Variants in NFASC observed in about 807,000 individuals in gnomAD.
NFASC encodes the protein neurofascin homolog.
Under a neutral mutation model 147.5 loss-of-function variants are expected in NFASC, and 43 were observed. That is an observed-to-expected ratio of 0.29 (90% CI 0.23 to 0.38). The LOEUF is 0.38. Ranked by LOEUF, NFASC falls within the 10% of genes least tolerant of loss-of-function variation. NFASC has a pLI of 1.00. For missense variants in NFASC, 1,320 were observed against 1,689.0 expected (o/e 0.78, Z 3.83); for synonymous variants, 622 against 665.5 (o/e 0.93, Z 1.01).
At chr1:204,931,173 A>G (rs1378262345) in intron 2 of NFASC, among the ~76,000 whole-genome samples, 1 of 152,210 alleles carries the variant, frequency 6.6e-6, no homozygotes, top group Non-Finnish European at 1.5e-5. Context: ...ATTAGGAACA[A>G]ATTTCTTGAC....
intron 1 of NFASC, among the ~76,000 whole-genome samples, chr1:204,833,946 A>G (rs1179022491): frequency 6.6e-6 from 1 of 152,212 alleles, no homozygotes; most frequent in Non-Finnish European, 1.5e-5. Context: ...TGAAAGGCCC[A>G]ATGTAATACC....
In NFASC at chr1:205,015,796, T is replaced by TAGTTTCGAAGAAC. The variant is rs2096349066; in HGVS notation, c.3492-512_3492-511insAGTTTCGAAGAAC. ...ACAAGCAGAGAGGTGAGGGAGAGGT[T>TAGTTTCGAAGAAC]TGTTCCTTTAAAAGCCTTGCTTGTT... On this transcript the variant is annotated intron_variant, in intron 29 of 29. Coordinates refer to ENST00000339876, the MANE Select transcript of NFASC (RefSeq NM_001005388.3). This position sits in a 1 kb window ranked among gnomAD's most constrained non-coding sequence, Gnocchi z 4.0. Among the ~76,000 whole-genome samples, 1 of 151,806 alleles carries TAGTTTCGAAGAAC rather than the reference T, an allele frequency of 6.6e-6. No homozygotes were observed.
chr1:204,899,333 G>A (rs1035250398), intron 1 of NFASC, among the ~76,000 whole-genome samples: 1 of 152,176 alleles, frequency 6.6e-6, no homozygotes, highest in Non-Finnish European at 1.5e-5. Flanking sequence ...GGTTTTCTCT[G>A]CCCAGGGTTT....
chr1:205,002,003 G>A (rs1324608455), intron 26 of NFASC, among the ~76,000 whole-genome samples: 3 of 152,210 alleles, frequency 2.0e-5, no homozygotes, highest in East Asian at 1.9e-4. Flanking sequence ...CTCTCTGGTT[G>A]GAGGAGGAGT....
intron 1 of NFASC, among the ~76,000 whole-genome samples, chr1:204,890,068 T>G (rs899989927): frequency 6.6e-6 from 1 of 152,226 alleles, no homozygotes; most frequent in Admixed American, 6.5e-5. Context: ...CTCTGAGAGC[T>G]GCTCTGGTGC....
At chr1:204,891,948 C>A (rs2082485178) in intron 1 of NFASC, among the ~76,000 whole-genome samples, 2 of 152,152 alleles carry the variant, frequency 1.3e-5, no homozygotes, top group African/African-American at 4.8e-5. Flanking sequence ...TCTTCTCCAG[C>A]CCTAGCCTCC....
intron 27 of NFASC, chr1:205,008,611 CA>C (rs2096185769): frequency 6.6e-6 from 1 of 152,594 alleles, no homozygotes; most frequent in African/African-American, 2.4e-5. Flanking sequence ...CTCCCAAACC[CA>C]AACCCAGCCA....
In NFASC at chr1:204,973,439, C is replaced by A; in HGVS notation, c.1279+20C>A. 1 of 1,613,550 alleles carries A rather than the reference C, an allele frequency of 6.2e-7. No individual in the cohort carries two copies. The highest frequency in any genetic ancestry group is 1.1e-5 in the South Asian group (1 of 90,980). On this transcript the variant is annotated intron_variant, in intron 12 of 29. Coordinates refer to ENST00000339876, the MANE Select transcript of NFASC (RefSeq NM_001005388.3). ...TGCTGGGTGAGTGTGCCCTTCGCAGCCTGTTTCCCCCTCCTCTCCACTACT... is the reference window on the plus strand; with the variant it reads ...TGCTGGGTGAGTGTGCCCTTCGCAGACTGTTTCCCCCTCCTCTCCACTACT...
At chr1:204,940,792 T>G (rs953616297) in intron 2 of NFASC, among the ~76,000 whole-genome samples, 1 of 152,232 alleles carries the variant, frequency 6.6e-6, no homozygotes, top group Non-Finnish European at 1.5e-5. Flanking sequence ...TTCCTATGGC[T>G]GAGTCATATT....
At chr1:204,934,293 G>A (rs1054568560) in intron 2 of NFASC, among the ~76,000 whole-genome samples, 1 of 152,006 alleles carries the variant, frequency 6.6e-6, no homozygotes, top group Non-Finnish European at 1.5e-5. Flanking sequence ...GGTAGAGGTG[G>A]GCAGGAGGAA....
chr1:204,974,124 A>G lies in NFASC; in HGVS notation c.1280-55A>G, dbSNP rs981083100. 10 of 1,408,930 alleles carry G rather than the reference A, an allele frequency of 7.1e-6. No individual in the cohort carries two copies. In the African/African-American group the frequency reaches 1.3e-4, roughly 18 times the overall value. The allele number at this position is 1,408,930 out of a possible 1,614,324, so 87.3% of individuals were successfully genotyped here. A position where few individuals can be genotyped will look rare whatever the true frequency, so the allele number is the denominator to read the frequency against. On this transcript the variant is annotated intron_variant, in intron 12 of 29. Coordinates refer to ENST00000339876, the MANE Select transcript of NFASC (RefSeq NM_001005388.3). The stretch of plus-strand genomic sequence containing the variant: ...GCATGCAGAGGTGAGACCGAGGGGG[A>G]AGAGATGGAAGAGTTTAGACTTGGC...
chr1:204,962,071 G>T, intron 8 of NFASC: 1 of 1,560,282 alleles, frequency 6.4e-7, no homozygotes, highest in Non-Finnish European at 8.8e-7. Context: ...ACTTCTCCGT[G>T]GCCTCCTGTT....
At chr1:205,011,110 A>C (rs1031206115) in intron 28 of NFASC, among the ~76,000 whole-genome samples, 1 of 151,944 alleles carries the variant, frequency 6.6e-6, no homozygotes, top group Non-Finnish European at 1.5e-5. Flanking sequence ...CACAGAATGC[A>C]ATTTCTCCCT....
At chr1:204,935,740 A>G (rs1351173876) in intron 2 of NFASC, among the ~76,000 whole-genome samples, 2 of 152,156 alleles carry the variant, frequency 1.3e-5, no homozygotes, top group African/African-American at 2.4e-5. Flanking sequence ...TGCAAAGGCT[A>G]GCGTGGGAAG....
In NFASC at chr1:204,954,291, G is replaced by C. The variant is rs763590330; in HGVS notation, c.319G>C (p.Gly107Arg). 6.2e-7 allele frequency: 1 copy of C among 1,614,182 alleles called. No individual in the cohort carries two copies. The highest frequency in any genetic ancestry group is 1.1e-5 in the South Asian group (1 of 91,082). ...CCTGGTGATTGACTTCCGCAGTGGC[G>C]GGCGGCCGGAGGAATATGAGGGGGA... ...GTLVIDFRSG[G>R]RPEEYEGEYQ... Residue 107 changes from glycine (G) to arginine (R), a missense_variant, in exon 6 of 30, where the codon GGG becomes CGG. By Grantham distance (125) the Gly-to-Arg change is moderately radical (BLOSUM62 -2). Transcript: ENST00000339876. This position sits in a 1 kb window ranked among gnomAD's most constrained non-coding sequence, Gnocchi z 5.7.
rs138243916 is a variant in NFASC at position 204,985,945 on chromosome 1, C to A, written c.2471-1473C>A. The A allele has an allele frequency of 1.5e-4, 234 of 1,613,758 alleles. 2 individuals are homozygous for A. The highest frequency in any genetic ancestry group is 6.0e-4 in the East Asian group (27 of 44,866). On this transcript the variant is annotated intron_variant, in intron 21 of 29. Transcript: ENST00000339876. ...GGAGGGAGAGCAGCTTGCTGAAGAA[C>A]CTGTGGGTGTCTCAGAAGAGACAGC...
Position 204,975,445 on chromosome 1 carries a change from A to C in NFASC, c.1706+27A>C. ...TTTCTCTTCCCCCTTCCCCCTTCCT[A>C]GTGCTAGTTTGAGGCGCATTTTCTT... On this transcript the variant is annotated intron_variant, in intron 15 of 29. Transcript: ENST00000339876. This position sits in a 1 kb window ranked among gnomAD's most constrained non-coding sequence, Gnocchi z 4.0. The C allele has an allele frequency of 6.3e-7, 1 of 1,594,742 alleles. No homozygotes were observed. The highest frequency in any genetic ancestry group is 8.6e-7 in the Non-Finnish European group (1 of 1,165,028).
At chr1:204,922,973 A>G (rs1294354192) in intron 2 of NFASC, among the ~76,000 whole-genome samples, 1 of 152,154 alleles carries the variant, frequency 6.6e-6, no homozygotes, top group African/African-American at 2.4e-5. Flanking sequence ...CCCATGAAGT[A>G]GGGCCCATTA....
At position 205,001,304 on chromosome 1, in the gene NFASC, G is replaced by GGGTGGT; in HGVS notation, c.3136+24_3136+29dup. 2 of 1,537,088 alleles carry GGGTGGT rather than the reference G, an allele frequency of 1.3e-6. No individual in the cohort carries two copies. Among genetic ancestry groups the GGGTGGT allele is most frequent in the Non-Finnish European group, 1.8e-6 (2 of 1,115,102 alleles). Reference sequence around the variant, plus strand: ...CATCGACAGTAAGCATTGCTGTGCGGGGTGGTGGTGGCGGCAGCGGCGTCG... The same window carrying GGGTGGT: ...CATCGACAGTAAGCATTGCTGTGCGGGGTGGTGGTGGTGGTGGCGGCAGCGGCGTCG... On this transcript the variant is annotated intron_variant, in intron 26 of 29. Transcript: ENST00000339876.
Sources: gnomAD v4.1 joint callset for allele counts (sites outside exome capture counted in the v4.1 genomes callset) on GRCh38, gnomAD v4.1.1 for gene constraint, Gnocchi (gnomAD v3.1) non-coding constraint, MANE v1.5 for transcripts, NCBI Gene and HGNC (gene_info 2026-07-23, HGNC 2026-07-21) for gene names.